The following GRIA4 variants were observed in gnomAD, a reference collection of about 807,000 sequenced individuals.
GRIA4 encodes the protein glutamate receptor 4.
GRIA4 carries 34 observed loss-of-function variants against 104.0 expected under a neutral mutation model. The ratio of observed to expected loss-of-function variants is 0.33; its 90% CI spans 0.25 to 0.44. GRIA4 has a LOEUF of 0.44. Ranked by LOEUF, GRIA4 falls within the 20% of genes least tolerant of loss-of-function variation. GRIA4 has a pLI of 1.00. For missense variants in GRIA4, 750 were observed against 1,096.5 expected (o/e 0.68, Z 4.46); for synonymous variants, 386 against 381.9 (o/e 1.01, Z -0.13).
At chr11:105,827,371 A>G (rs1943809524) in intron 4 of GRIA4, among the ~76,000 whole-genome samples, 1 of 152,044 alleles carries the variant, frequency 6.6e-6, no homozygotes, top group Admixed American at 6.6e-5. Context: ...ATTCATTACT[A>G]TTAAGCAGAA....
intron 3 of GRIA4, among the ~76,000 whole-genome samples, chr11:105,735,116 A>C (rs1276753184): frequency 6.6e-6 from 1 of 152,212 alleles, no homozygotes. Flanking sequence ...ATATACACTG[A>C]GCTAACATAT....
chr11:105,895,423 A>G (rs1478366765), intron 6 of GRIA4, among the ~76,000 whole-genome samples: 2 of 152,060 alleles, frequency 1.3e-5, no homozygotes, highest in Non-Finnish European at 2.9e-5. Context: ...AATAGTGGCA[A>G]TAAAAGGGAG....
At chr11:105,804,101 A>G (rs1942841850) in intron 4 of GRIA4, among the ~76,000 whole-genome samples, 1 of 151,946 alleles carries the variant, frequency 6.6e-6, no homozygotes, top group South Asian at 2.1e-4. Flanking sequence ...TGCTGCATTT[A>G]TTTAACATGC....
chr11:105,894,234 A>C (rs1946559080), intron 6 of GRIA4, among the ~76,000 whole-genome samples: 1 of 152,160 alleles, frequency 6.6e-6, no homozygotes, highest in Non-Finnish European at 1.5e-5. Flanking sequence ...TAAAATTTAA[A>C]ATACCTCTGT....
chr11:105,651,714 C>T (rs1362012358), intron 3 of GRIA4, among the ~76,000 whole-genome samples: 1 of 151,804 alleles, frequency 6.6e-6, no homozygotes, highest in Non-Finnish European at 1.5e-5. Context: ...CACACTTCTG[C>T]TTGAGGTTCC....
chr11:105,856,443 CT>C (rs75399235), intron 4 of GRIA4, among the ~76,000 whole-genome samples: 40,403 of 151,966 alleles, frequency 0.27, 6,860 homozygotes, highest in African/African-American at 0.48. Flanking sequence ...GTTTTTGAAG[CT>C]TCTGAATGTG....
rs1422481296 is a variant in GRIA4 at position 105,979,469 on chromosome 11, A to G, written c.2545-106A>G. The G allele has an allele frequency of 3.1e-6, 3 of 978,410 alleles. No homozygotes were observed. The East Asian group carries it at 7.2e-5, about 24-fold the overall frequency. 60.6% of individuals were successfully genotyped at this position (978,410 alleles called of 1,614,324 possible). On this transcript the variant is annotated intron_variant, in intron 16 of 16. Transcript: ENST00000282499. The stretch of plus-strand genomic sequence containing the variant: ...CCAAAAGAACATGGAAAAAATGCAG[A>G]TGTCTAATTATTTATATTTCGGTGT...
intron 15 of GRIA4, among the ~76,000 whole-genome samples, chr11:105,973,672 T>G (rs1462092661): frequency 6.6e-6 from 1 of 152,122 alleles, no homozygotes; most frequent in African/African-American, 2.4e-5. Flanking sequence ...TAATTATTTC[T>G]AAACAGTATA....
intron 14 of GRIA4, among the ~76,000 whole-genome samples, chr11:105,966,949 T>C (rs1432838255): frequency 1.3e-5 from 2 of 152,194 alleles, no homozygotes; most frequent in African/African-American, 4.8e-5. Flanking sequence ...TTCTAGGCAC[T>C]GTCTTAAGGA....
chr11:105,758,261 T>C (rs1940426272), intron 4 of GRIA4, among the ~76,000 whole-genome samples: 1 of 152,082 alleles, frequency 6.6e-6, no homozygotes, highest in Admixed American at 6.6e-5. Flanking sequence ...TTCTTTTTTT[T>C]TGCTTTGATA....
chr11:105,729,261 G>A (rs1175457563), intron 3 of GRIA4, among the ~76,000 whole-genome samples: 2 of 152,034 alleles, frequency 1.3e-5, no homozygotes, highest in African/African-American at 4.8e-5. Flanking sequence ...AGGGGAAATG[G>A]ATAAATTACT....
rs1462107868 is a variant in GRIA4 at position 105,933,730 on chromosome 11, A to G, written c.2055A>G (p.Lys685=). 5 of 1,584,594 alleles carry G rather than the reference A, an allele frequency of 3.2e-6. No individual in the cohort carries two copies. The African/African-American group carries it at 6.7e-5, about 21-fold the overall frequency. The change falls in exon 14 of 17, where the codon AAA becomes AAG. Residue 685 remains lysine (K), a synonymous_variant. Transcript: ENST00000282499. ...ATTTTAATTTCCTCCAGAGATCAAAAATAGCAGTGTATGAAAAGATGTGGA... is the reference window on the plus strand; with the variant it reads ...ATTTTAATTTCCTCCAGAGATCAAAGATAGCAGTGTATGAAAAGATGTGGA... ...GSTKEFFRRS[K]IAVYEKMWTY... is the part of the protein sequence containing the mutation.
intron 3 of GRIA4, among the ~76,000 whole-genome samples, chr11:105,643,698 AT>A (rs1423020229): frequency 1.3e-5 from 2 of 151,648 alleles, no homozygotes; most frequent in Non-Finnish European, 2.9e-5. Flanking sequence ...AGGTTTTTAA[AT>A]TTTTTTTGGT....
chr11:105,879,938 T>C (rs939437685), intron 5 of GRIA4, among the ~76,000 whole-genome samples: 1 of 152,178 alleles, frequency 6.6e-6, no homozygotes, highest in Non-Finnish European at 1.5e-5. Context: ...GTATGGAAAC[T>C]ATAGTCAAAA....
intron 3 of GRIA4, among the ~76,000 whole-genome samples, chr11:105,727,689 C>T (rs980569339): frequency 5.9e-5 from 9 of 152,224 alleles, no homozygotes; most frequent in African/African-American, 1.4e-4. Context: ...ACGCAGAAAC[C>T]CTGCAAGCCA....
intron 3 of GRIA4, among the ~76,000 whole-genome samples, chr11:105,748,905 C>A (rs1939832379): frequency 6.6e-6 from 1 of 152,120 alleles, no homozygotes; most frequent in Non-Finnish European, 1.5e-5. Context: ...TCAAGAGAAA[C>A]ATTTGAAGTG....
chr11:105,827,042 A>C (rs905908218), intron 4 of GRIA4, among the ~76,000 whole-genome samples: 2 of 151,960 alleles, frequency 1.3e-5, no homozygotes, highest in Non-Finnish European at 2.9e-5. Flanking sequence ...TGAGACCTTC[A>C]TCCTTCCTCA....
At chr11:105,957,343 C>T (rs949457163) in intron 14 of GRIA4, among the ~76,000 whole-genome samples, 6 of 152,176 alleles carry the variant, frequency 3.9e-5, no homozygotes, top group Admixed American at 6.5e-5. Flanking sequence ...AGCCAGTTTT[C>T]CCAGGACCAT....
At chr11:105,732,339 A>G (rs1938651466) in intron 3 of GRIA4, among the ~76,000 whole-genome samples, 1 of 152,122 alleles carries the variant, frequency 6.6e-6, no homozygotes. Context: ...CGTTGAGTGG[A>G]GGGCGTGAAC....
Sources: gnomAD v4.1 joint callset for allele counts (sites outside exome capture counted in the v4.1 genomes callset) on GRCh38, gnomAD v4.1.1 for gene constraint, MANE v1.5 for transcripts, NCBI Gene and HGNC (gene_info 2026-07-23, HGNC 2026-07-21) for gene names.